PXMP2: variants seen among roughly 807,000 people sequenced by gnomAD.
PXMP2 encodes the protein peroxisomal membrane protein 2.
A neutral mutation model predicts 20.2 loss-of-function variants in PXMP2; 13 were observed. That is an observed-to-expected ratio of 0.64 (90% CI 0.42 to 1.02). The LOEUF (loss-of-function observed/expected upper bound fraction) is 1.02, where lower values mean the gene tolerates loss of function less well. Among genes scored for constraint, PXMP2 ranks in the 50% least tolerant of loss-of-function variants. PXMP2 has a pLI of 0.00. For missense variants in PXMP2, 284 were observed against 251.8 expected (o/e 1.13, Z -0.87); for synonymous variants, 113 against 111.2 (o/e 1.02, Z -0.10).
chr12:132,693,344 CAGTT>C (rs1392118025), intron 2 of PXMP2, among the ~76,000 whole-genome samples: 1 of 22,116 alleles, frequency 4.5e-5, no homozygotes, highest in East Asian at 1.3e-3. Flanking sequence ...GCGCCCTTGC[CAGTT>C]AGTTAGTGAG....
chr12:132,695,449 G>GAACA (rs1300894247), intron 2 of PXMP2, among the ~76,000 whole-genome samples: 5 of 152,240 alleles, frequency 3.3e-5, no homozygotes, highest in Non-Finnish European at 5.9e-5. Context: ...GCCCTGTTCT[G>GAACA]GGCACTGCAG....
At chr12:132,692,041 T>TTAGTGAGCTCCCTGAGCCAGTTAGG (rs1316106533) in intron 2 of PXMP2, among the ~76,000 whole-genome samples, 61 of 97,178 alleles carry the variant, frequency 6.3e-4, no homozygotes, top group Admixed American at 1.1e-3. Flanking sequence ...CCCTTGCCAG[T>TTAGTGAGCTCCCTGAGCCAGTTAGG]TAGTGAGCTC....
intron 4 of PXMP2, 144 bp from the exon 5 acceptor site, chr12:132,704,475 A>C: frequency 1.8e-6 from 1 of 551,824 alleles, no homozygotes. Context: ...TGGTACGAAC[A>C]AAGGCTCAGT....
Position 132,687,714 on chromosome 12 carries a change from G to A in PXMP2, c.44G>A (p.Gly15Glu). 1 of 1,207,316 alleles carries A rather than the reference G, an allele frequency of 8.3e-7. No individual in the cohort carries two copies. The highest frequency in any genetic ancestry group is 1.0e-6 in the Non-Finnish European group (1 of 971,618). 74.8% of individuals were successfully genotyped at this position (1,207,316 alleles called of 1,614,324 possible). Residue 15 changes from glycine to glutamate, a missense_variant, in exon 1 of 5, where the codon GGG (glycine) becomes GAG (glutamate). Transcript: ENST00000317479. ...AGGCTGCGGGCCGAAGCCGGGCTCG[G>A]GGCGCTGCCGCGGCGGGCGCTCGCC... ...ASRLRAEAGL[G>E]ALPRRALAQY...
At chr12:132,691,347 C>T (rs1208191183) in intron 2 of PXMP2, among the ~76,000 whole-genome samples, 3 of 152,134 alleles carry the variant, frequency 2.0e-5, no homozygotes, top group Non-Finnish European at 4.4e-5. Context: ...AGTGCCTGGC[C>T]TCTATTGTTA....
chr12:132,698,433 A>G (rs912403319), intron 3 of PXMP2, among the ~76,000 whole-genome samples: 3 of 152,252 alleles, frequency 2.0e-5, no homozygotes, highest in Non-Finnish European at 4.4e-5. Context: ...GGAAGATAAT[A>G]GAAATATTCT....
intron 3 of PXMP2, among the ~76,000 whole-genome samples, chr12:132,698,959 T>A (rs1043464881): frequency 9.9e-5 from 15 of 152,124 alleles, no homozygotes; most frequent in Admixed American, 6.5e-4. Context: ...TCTTTAAAAA[T>A]TTTTTTTAGT....
intron 2 of PXMP2, among the ~76,000 whole-genome samples, chr12:132,693,706 T>G (rs1472960327): frequency 1.9e-5 from 2 of 103,776 alleles, no homozygotes; most frequent in Admixed American, 9.3e-5. Context: ...TGAGCTCCCT[T>G]AGCCAGTTAG....
intron 3 of PXMP2, 137 bp from the exon 4 acceptor site, chr12:132,701,111 TAC>T: frequency 8.1e-7 from 1 of 1,236,106 alleles, no homozygotes; most frequent in Non-Finnish European, 1.1e-6. Context: ...CAGTGCTGAG[TAC>T]ACATGTGTGC....
chr12:132,702,414 T>C, intron 4 of PXMP2: 1 of 314,028 alleles, frequency 3.2e-6, no homozygotes. Flanking sequence ...TGGGATCAAC[T>C]GTCTTTATGC....
intron 3 of PXMP2, among the ~76,000 whole-genome samples, chr12:132,698,464 T>A (rs10870493): frequency 6.6e-6 from 1 of 151,808 alleles, no homozygotes; most frequent in Non-Finnish European, 1.5e-5. Flanking sequence ...CCTCCGGTAT[T>A]CTTATGGTTT....
Position 132,692,603 on chromosome 12 carries a change from TTAAG to T in PXMP2, c.236+2229_236+2232del, listed in dbSNP as rs1362435339. 4.0e-5 allele frequency among the ~76,000 whole-genome samples: 5 copies of T among 123,994 alleles called. 1 individual carries two copies. Among genetic ancestry groups the T allele is most frequent in the Non-Finnish European group, 8.2e-5 (5 of 60,838 alleles). 81.3% of individuals were successfully genotyped at this position (123,994 alleles called of 152,430 possible). On this transcript the variant is annotated intron_variant, in intron 2 of 4. Transcript: ENST00000317479. The stretch of plus-strand genomic sequence containing the variant: ...GTTAGTGAGCGCCCTTGCCAGTTAG[TTAAG>T]TGAGCGCCCTTAGCCAGTTAGATAG...
chr12:132,689,559 C>T (rs557854517), intron 1 of PXMP2, among the ~76,000 whole-genome samples: 1 of 152,226 alleles, frequency 6.6e-6, no homozygotes, highest in East Asian at 1.9e-4. Flanking sequence ...AGGGAATCGC[C>T]AGGGATCTGA....
intron 4 of PXMP2, chr12:132,701,682 T>C (rs918089358): frequency 2.8e-5 from 10 of 353,510 alleles, no homozygotes; most frequent in Middle Eastern, 8.3e-4. Flanking sequence ...GGGATGCCTA[T>C]GAGTTTTCTA....
intron 2 of PXMP2, among the ~76,000 whole-genome samples, chr12:132,692,693 TGCC>T (rs2043378039): frequency 8.3e-6 from 1 of 120,304 alleles, no homozygotes; most frequent in Non-Finnish European, 1.7e-5. Flanking sequence ...TGAGCGCCCT[TGCC>T]AGTTAGTTAG....
chr12:132,704,810 C>CA lies in PXMP2; in HGVS notation c.*128dup. 1.1e-6 allele frequency: 1 copy of CA among 915,272 alleles called. No individual in the cohort carries two copies. Among genetic ancestry groups the CA allele is most frequent in the Non-Finnish European group, 1.8e-6 (1 of 564,456 alleles). 56.7% of individuals were successfully genotyped at this position (915,272 alleles called of 1,614,324 possible). ...TCTAAATCAGGTGATTCAAGATGCC[C>CA]AAAAATGATGGATAGAGAAACAGAA... is the stretch of plus-strand genomic sequence containing the variant. On this transcript the variant is annotated 3_prime_UTR_variant, in exon 5 of 5. Transcript: ENST00000317479.
At chr12:132,692,481 A>G (rs34831758) in intron 2 of PXMP2, among the ~76,000 whole-genome samples, 536 of 44,012 alleles carry the variant, frequency 0.012, 13 homozygotes, top group Middle Eastern at 0.02. Flanking sequence ...TTGCCAGTTA[A>G]TTAGTGAGCT....
In PXMP2 at chr12:132,695,870, C is replaced by G. The variant is rs1402842786; in HGVS notation, c.237-14C>G. ...GAGAACCACAATCTGGCTCACACCC[C>G]CTGGGGGCCTCAGGTTCTTCTTCAC... is the stretch of plus-strand genomic sequence containing the variant. On this transcript the variant is annotated splice_polypyrimidine_tract_variant and intron_variant, in intron 2 of 4. Coordinates refer to ENST00000317479, the MANE Select transcript of PXMP2 (RefSeq NM_018663.3). 3.1e-6 allele frequency: 5 copies of G among 1,596,772 alleles called. No individual in the cohort carries two copies. Among genetic ancestry groups the G allele is most frequent in the South Asian group, 1.1e-5 (1 of 88,490 alleles).
rs747615855 is a variant in PXMP2, at chr12:132,693,783, CAGTT to C, written c.237-2090_237-2087del. On this transcript the variant is annotated intron_variant, in intron 2 of 4. Coordinates refer to ENST00000317479, the MANE Select transcript of PXMP2 (RefSeq NM_018663.3). Reference sequence around the variant, plus strand: ...CCAGTTAGTTAGTGAGCGCCCTTGCCAGTTAGTTAGTTAGCTCCCTTAGCCAGTT... The same window carrying C: ...CCAGTTAGTTAGTGAGCGCCCTTGCCAGTTAGTTAGCTCCCTTAGCCAGTT... Among the ~76,000 whole-genome samples the C allele has an allele frequency of 6.6e-5, 7 of 105,548 alleles. 1 individual carries two copies. The highest frequency in any genetic ancestry group is 2.5e-4 in the East Asian group (1 of 4,052). 69.2% of individuals were successfully genotyped at this position (105,548 alleles called of 152,430 possible).
Sources: allele counts gnomAD v4.1 joint callset (sites outside exome capture counted in the v4.1 genomes callset), GRCh38; gene constraint gnomAD v4.1.1; transcripts MANE v1.5; gene names NCBI Gene and HGNC (gene_info 2026-07-23, HGNC 2026-07-21).